The following FBXO15 variants were observed in gnomAD, a reference collection of about 807,000 sequenced individuals.
FBXO15 encodes the protein F-box only protein 15.
Under a neutral mutation model 49.5 loss-of-function variants are expected in FBXO15, and 30 were observed. The observed-to-expected ratio is 0.61, with a 90% CI of 0.45 to 0.82. The LOEUF (loss-of-function observed/expected upper bound fraction) is 0.82. Ranked by LOEUF, FBXO15 falls within the 40% of genes least tolerant of loss-of-function variation. FBXO15 has a pLI of 0.00. For missense variants in FBXO15, 591 were observed against 631.5 expected (o/e 0.94, Z 0.69); for synonymous variants, 250 against 232.7 (o/e 1.07, Z -0.68).
chr18:74,092,385 T>C (rs1336214169), intron 8 of FBXO15, among the ~76,000 whole-genome samples: 1 of 152,224 alleles, frequency 6.6e-6, no homozygotes, highest in Non-Finnish European at 1.5e-5. Flanking sequence ...ATTTTAGTCA[T>C]TTCAGCCTGG....
intron 8 of FBXO15, among the ~76,000 whole-genome samples, chr18:74,090,542 G>C (rs1912978557): frequency 6.6e-6 from 1 of 152,080 alleles, no homozygotes; most frequent in Non-Finnish European, 1.5e-5. Flanking sequence ...TGGGTGTTTA[G>C]TGCTATAAAC....
chr18:74,119,279 T>C (rs1330502277), intron 8 of FBXO15, among the ~76,000 whole-genome samples: 1 of 152,178 alleles, frequency 6.6e-6, no homozygotes, highest in Non-Finnish European at 1.5e-5. Context: ...AGAAAGAGCT[T>C]TAAGATAACA....
At chr18:74,144,332 G>A (rs185120641) in intron 1 of FBXO15, among the ~76,000 whole-genome samples, 17 of 151,830 alleles carry the variant, frequency 1.1e-4, no homozygotes, top group African/African-American at 3.9e-4. Flanking sequence ...AAATGGGGAC[G>A]ATTTAGGGGG....
intron 8 of FBXO15, among the ~76,000 whole-genome samples, chr18:74,120,551 T>G (rs928338704): frequency 9.8e-5 from 15 of 152,328 alleles, no homozygotes; most frequent in African/African-American, 2.9e-4. Flanking sequence ...TTGGAAACTA[T>G]ATTACACACT....
intron 8 of FBXO15, among the ~76,000 whole-genome samples, chr18:74,090,199 C>T (rs73474840): frequency 0.039 from 6,004 of 152,128 alleles, 390 homozygotes; most frequent in African/African-American, 0.13. Context: ...TCTAGCTTTA[C>T]GTGCATAGAG....
intron 8 of FBXO15, among the ~76,000 whole-genome samples, chr18:74,115,236 T>G (rs1914178314): frequency 6.6e-6 from 1 of 152,202 alleles, no homozygotes; most frequent in Non-Finnish European, 1.5e-5. Flanking sequence ...ACTGCAGCAC[T>G]GGCTGAGCTG....
intron 6 of FBXO15, among the ~76,000 whole-genome samples, chr18:74,124,973 G>A (rs73476533): frequency 0.012 from 1,839 of 152,258 alleles, 38 homozygotes; most frequent in African/African-American, 0.042. Context: ...TGTTCCTCTT[G>A]CAAGTAACTG....
intron 8 of FBXO15, among the ~76,000 whole-genome samples, chr18:74,088,906 T>C (rs537258475): frequency 1.3e-5 from 2 of 152,290 alleles, no homozygotes; most frequent in African/African-American, 4.8e-5. Flanking sequence ...CACAGAATTA[T>C]AAAATAGATC....
At chr18:74,147,563 A>C in intron 1 of FBXO15, 107 bp downstream of exon 1, 1 of 1,297,932 alleles carries the variant, frequency 7.7e-7, no homozygotes, top group South Asian at 2.3e-5. Context: ...GAAGACGGCC[A>C]CGGGCCTTGC....
At chr18:74,137,492 T>C (rs918424909) in intron 2 of FBXO15, among the ~76,000 whole-genome samples, 1 of 152,216 alleles carries the variant, frequency 6.6e-6, no homozygotes, top group Non-Finnish European at 1.5e-5. Flanking sequence ...AGACAGGCAT[T>C]CAGCAGGTTT....
intron 9 of FBXO15, among the ~76,000 whole-genome samples, chr18:74,078,080 G>A (rs570827500): frequency 6.6e-6 from 1 of 152,158 alleles, no homozygotes; most frequent in South Asian, 2.1e-4. Context: ...AGGGCTCCTT[G>A]GTGAGGACGC....
chr18:74,147,598 C>CTT, intron 1 of FBXO15, 72 bp downstream of exon 1: 6 of 1,336,440 alleles, frequency 4.5e-6, no homozygotes, highest in Non-Finnish European at 5.7e-6. Context: ...ATAAAATACA[C>CTT]GGTGAAGAGA....
Position 74,073,413 on chromosome 18 carries a change from C to T in FBXO15, c.*48G>A, listed in dbSNP as rs765070043. 16 of 1,576,682 alleles carry T rather than the reference C, an allele frequency of 1.0e-5. No homozygotes were observed. The highest frequency in any genetic ancestry group is 9.5e-6 in the Non-Finnish European group (11 of 1,159,120). On this transcript the variant is annotated 3_prime_UTR_variant, in exon 10 of 10. Transcript: ENST00000419743. ...TAATTTTCAACACCAAGAACAAAGC[C>T]AGTCAAAAATAAACAACTAAATAAC...
chr18:74,125,106 A>T (rs944108889), intron 6 of FBXO15, among the ~76,000 whole-genome samples: 1 of 152,176 alleles, frequency 6.6e-6, no homozygotes, highest in African/African-American at 2.4e-5. Flanking sequence ...TTCACAGCTG[A>T]CACTGATGGG....
At chr18:74,123,019 C>G (rs190675920) in intron 8 of FBXO15, 5 of 189,918 alleles carry the variant, frequency 2.6e-5, no homozygotes, top group Non-Finnish European at 5.4e-5. Flanking sequence ...CGGCACGGGC[C>G]CTGCTGGCAA....
At chr18:74,086,336 G>A (rs905721542) in intron 8 of FBXO15, among the ~76,000 whole-genome samples, 2 of 152,156 alleles carry the variant, frequency 1.3e-5, no homozygotes, top group Admixed American at 6.5e-5. Flanking sequence ...CTGCTAAAGA[G>A]CTAAACAATC....
In FBXO15 at chr18:74,129,393, A is replaced by G. The variant is rs374352115; in HGVS notation, c.785+12T>C. 218 of 1,611,556 alleles carry G rather than the reference A, an allele frequency of 1.4e-4. No homozygotes were observed. Among genetic ancestry groups the G allele is most frequent in the Non-Finnish European group, 1.5e-4 (181 of 1,178,088 alleles). On this transcript the variant is annotated intron_variant, in intron 5 of 9. Coordinates refer to ENST00000419743, the MANE Select transcript of FBXO15 (RefSeq NM_001142958.2). ...ATGCTCTCACTCAACAGTTCTGCTG[A>G]TTGGTACTTACCTATGTTTGGTGGG...
intron 8 of FBXO15, among the ~76,000 whole-genome samples, chr18:74,112,742 C>T (rs1264375193): frequency 2.6e-5 from 4 of 152,178 alleles, no homozygotes; most frequent in African/African-American, 9.7e-5. Context: ...GATGACATGA[C>T]CATCTTGGTA....
intron 8 of FBXO15, among the ~76,000 whole-genome samples, chr18:74,082,816 G>A (rs1447201289): frequency 3.3e-5 from 5 of 152,310 alleles, no homozygotes; most frequent in Middle Eastern, 3.4e-3. Context: ...ACTCATACCC[G>A]AGAATTCTCC....
Sources: gnomAD v4.1 joint callset for allele counts (sites outside exome capture counted in the v4.1 genomes callset) on GRCh38, gnomAD v4.1.1 for gene constraint, MANE v1.5 for transcripts, NCBI Gene and HGNC (gene_info 2026-07-23, HGNC 2026-07-21) for gene names.